The following USP3 variants were observed in gnomAD, a reference collection of about 807,000 sequenced individuals.
The protein encoded by USP3 is ubiquitin carboxyl-terminal hydrolase 3.
A neutral mutation model predicts 72.3 loss-of-function variants in USP3; 20 were observed. The observed-to-expected ratio is 0.28, with a 90% CI of 0.19 to 0.40. The LOEUF (loss-of-function observed/expected upper bound fraction) is 0.40, where lower values mean the gene tolerates loss of function less well. USP3 is among the 10% of genes least tolerant of loss of function. The probability of loss-of-function intolerance (pLI) is 1.00; values close to 1 mark genes in which losing one functional copy is unlikely to be tolerated. For synonymous variants in USP3, 222 were observed against 225.3 expected (o/e 0.99, Z 0.13); for missense variants, 479 against 633.9 (o/e 0.76, Z 2.62).
chr15:63,554,586 G>C (rs1327704817), intron 4 of USP3, among the ~76,000 whole-genome samples: 2 of 152,292 alleles, frequency 1.3e-5, no homozygotes, highest in South Asian at 4.1e-4. Flanking sequence ...ATGTGTAGAA[G>C]GTATTGTGAA....
At chr15:63,540,216 T>C (rs1374480459) in intron 3 of USP3, among the ~76,000 whole-genome samples, 1 of 152,196 alleles carries the variant, frequency 6.6e-6, no homozygotes, top group Non-Finnish European at 1.5e-5. Context: ...CCCTTGCCAA[T>C]AGTCCCTGCC....
At chr15:63,547,324 C>T (rs1048081474) in intron 3 of USP3, among the ~76,000 whole-genome samples, 1 of 152,104 alleles carries the variant, frequency 6.6e-6, no homozygotes, top group Admixed American at 6.6e-5. Flanking sequence ...AAATGTCCCT[C>T]TTAGTGACTG....
At chr15:63,551,130 A>T (rs2066430518) in intron 3 of USP3, among the ~76,000 whole-genome samples, 1 of 152,196 alleles carries the variant, frequency 6.6e-6, no homozygotes, top group East Asian at 1.9e-4. Context: ...TTTATCAATT[A>T]TTTTTTGACT....
chr15:63,578,846 T>A (rs1045861548), intron 11 of USP3, among the ~76,000 whole-genome samples: 1 of 152,120 alleles, frequency 6.6e-6, no homozygotes, highest in Non-Finnish European at 1.5e-5. Flanking sequence ...ATTATTAACA[T>A]TTGCAGGCAG....
At position 63,553,528 on chromosome 15, in the gene USP3, G is replaced by A. The variant is rs1193784413; in HGVS notation, c.285-187G>A. On this transcript the variant is annotated intron_variant, in intron 3 of 14. Transcript: ENST00000380324. The surrounding 1 kb of genome is among the most constrained non-coding windows in gnomAD (Gnocchi z 4.2). ...AAAGAAGCTCATGTTCATTGCCTAC[G>A]TGGCTTTTAAAAAAGACTCTTGAAA... 1.2e-5 allele frequency: 5 copies of A among 432,982 alleles called. No individual in the cohort carries two copies. Among genetic ancestry groups the A allele is most frequent in the East Asian group, 7.3e-5 (2 of 27,220 alleles). The allele number at this position is 432,982 out of a possible 1,614,324, so 26.8% of individuals were successfully genotyped here.
chr15:63,519,458 G>A (rs62011301), intron 1 of USP3, among the ~76,000 whole-genome samples: 18,622 of 151,934 alleles, frequency 0.12, 1,578 homozygotes, highest in South Asian at 0.19. Flanking sequence ...TTCAGGTAAT[G>A]CATTTTTGGT....
chr15:63,510,767 C>T (rs2065770039), intron 1 of USP3, among the ~76,000 whole-genome samples: 1 of 152,166 alleles, frequency 6.6e-6, no homozygotes, highest in South Asian at 2.1e-4. Flanking sequence ...ACAGCTTGTT[C>T]ATCTTACCTA....
At chr15:63,504,854 C>T (rs2065686298) in intron 1 of USP3, 24 bp downstream of exon 1, 3 of 1,560,008 alleles carry the variant, frequency 1.9e-6, no homozygotes, top group South Asian at 2.3e-5. Context: ...CGGGCCGGCC[C>T]CGCAGCGCAC....
chr15:63,580,040 A>T (rs146136762), intron 11 of USP3, among the ~76,000 whole-genome samples: 7 of 152,310 alleles, frequency 4.6e-5, no homozygotes, highest in African/African-American at 1.7e-4. Context: ...TAGTATGTGT[A>T]AAAGATTTTA....
At chr15:63,534,268 T>A (rs2066120404) in intron 2 of USP3, among the ~76,000 whole-genome samples, 2 of 152,170 alleles carry the variant, frequency 1.3e-5, no homozygotes, top group South Asian at 4.1e-4. Context: ...TATCATGTAA[T>A]CCCAGGTGTT....
intron 14 of USP3, 144 bp downstream of exon 14, chr15:63,589,155 A>G (rs1285848630): frequency 2.4e-6 from 2 of 848,574 alleles, no homozygotes; most frequent in Non-Finnish European, 1.9e-6. Context: ...TTGGTGCGGA[A>G]GAGTACTCCT....
rs1186852886 is a variant in USP3, at chr15:63,591,915, TTTTTTGGGGG to T, written c.*1097_*1106del. ...GTAAGTAAGTGGAGTTTTCGTTTTG[TTTTTTGGGGG>T]TTTTTGGAGACAAGAGTCTCTCTCT... On this transcript the variant is annotated 3_prime_UTR_variant, in exon 15 of 15. Transcript: ENST00000380324. The T allele has an allele frequency of 6.6e-6, 1 of 152,244 alleles. No individual in the cohort carries two copies. The highest frequency in any genetic ancestry group is 1.5e-5 in the Non-Finnish European group (1 of 68,134). 9.4% of individuals were successfully genotyped at this position (152,244 alleles called of 1,614,324 possible).
At chr15:63,554,889 G>A (rs1328722063) in intron 4 of USP3, among the ~76,000 whole-genome samples, 3 of 152,098 alleles carry the variant, frequency 2.0e-5, no homozygotes, top group Admixed American at 2.0e-4. Flanking sequence ...AATTTGATGA[G>A]TCCTATCTAG....
intron 1 of USP3, among the ~76,000 whole-genome samples, chr15:63,506,427 G>C (rs777132978): frequency 1.3e-5 from 2 of 152,044 alleles, no homozygotes; most frequent in Non-Finnish European, 2.9e-5. Flanking sequence ...GGGAATGGTG[G>C]GATTGCTCTT....
chr15:63,571,992 G>A (rs763113196), intron 9 of USP3, among the ~76,000 whole-genome samples: 1 of 152,190 alleles, frequency 6.6e-6, no homozygotes, highest in Non-Finnish European at 1.5e-5. Context: ...CCCTACTGAA[G>A]GTGAAGGTGA....
At position 63,570,515 on chromosome 15, in the gene USP3, G is replaced by T; in HGVS notation, c.844G>T (p.Gly282Cys). ...LHLELQGGFN[G>C]VSRSAILQEN... Reference sequence around the variant, plus strand: ...CTTGGAACTTCAGGGCGGTTTCAACGGTGTTTCCCGCTCAGCAATTCTGCA... The same window carrying T: ...CTTGGAACTTCAGGGCGGTTTCAACTGTGTTTCCCGCTCAGCAATTCTGCA... The change falls in exon 9 of 15, where the codon GGT becomes TGT. Residue 282 changes from glycine to cysteine, a missense_variant. Physicochemically the swap from Gly to Cys is radical, Grantham distance 159. Transcript: ENST00000380324. The surrounding 1 kb of genome is among the most constrained non-coding windows in gnomAD (Gnocchi z 4.4). 6.2e-7 allele frequency: 1 copy of T among 1,614,104 alleles called. No individual in the cohort carries two copies. Among genetic ancestry groups the T allele is most frequent in the Non-Finnish European group, 8.5e-7 (1 of 1,180,006 alleles).
intron 1 of USP3, among the ~76,000 whole-genome samples, chr15:63,517,108 G>A (rs1473439080): frequency 6.6e-6 from 1 of 151,630 alleles, no homozygotes; most frequent in Non-Finnish European, 1.5e-5. Context: ...AGTTATATAT[G>A]TATACATGTG....
At chr15:63,521,655 G>T (rs997610939) in intron 1 of USP3, among the ~76,000 whole-genome samples, 2 of 152,162 alleles carry the variant, frequency 1.3e-5, no homozygotes, top group Non-Finnish European at 2.9e-5. Context: ...ACTGTTCCTT[G>T]TACACACTCA....
intron 1 of USP3, among the ~76,000 whole-genome samples, chr15:63,525,704 C>T (rs1414698647): frequency 1.7e-4 from 26 of 152,112 alleles, no homozygotes; most frequent in Admixed American, 1.7e-3. Context: ...TTATAGTGTA[C>T]AGAAGATTTT....
Sources: allele counts gnomAD v4.1 joint callset (sites outside exome capture counted in the v4.1 genomes callset), GRCh38; gene constraint gnomAD v4.1.1; non-coding constraint Gnocchi (gnomAD v3.1); transcripts MANE v1.5; gene names NCBI Gene and HGNC (gene_info 2026-07-23, HGNC 2026-07-21).